The following ESR1 variants were observed in gnomAD, a reference collection of about 807,000 sequenced individuals.
The protein encoded by ESR1 is estrogen receptor.
ESR1 carries 12 observed loss-of-function variants against 52.7 expected under a neutral mutation model. The observed-to-expected ratio is 0.23, with a 90% CI of 0.15 to 0.37. The LOEUF (loss-of-function observed/expected upper bound fraction) is 0.37. Ranked by LOEUF, ESR1 falls within the 10% of genes least tolerant of loss-of-function variation. The probability of loss-of-function intolerance (pLI) is 1.00; values close to 1 mark genes in which losing one functional copy is unlikely to be tolerated. For missense variants in ESR1, 584 were observed against 779.7 expected (o/e 0.75, Z 2.99); for synonymous variants, 305 against 316.8 (o/e 0.96, Z 0.39).
intron 2 of ESR1, among the ~76,000 whole-genome samples, chr6:151,796,967 A>G (rs1776770982): frequency 6.6e-6 from 1 of 152,202 alleles, no homozygotes; most frequent in Admixed American, 6.5e-5. Flanking sequence ...GTGATCCACT[A>G]CAAAGCTCTC....
At chr6:152,089,791 A>G (rs1181067754) in intron 6 of ESR1, among the ~76,000 whole-genome samples, 3 of 152,102 alleles carry the variant, frequency 2.0e-5, no homozygotes, top group African/African-American at 7.2e-5. Flanking sequence ...GTTGGCCAGG[A>G]TGGTCTTGAA....
intron 3 of ESR1, among the ~76,000 whole-genome samples, chr6:151,921,052 T>C (rs2031554727): frequency 6.6e-6 from 1 of 152,136 alleles, no homozygotes; most frequent in African/African-American, 2.4e-5. Flanking sequence ...AAAGCCAACA[T>C]GCATTAGTTG....
chr6:151,678,734 T>C (rs1157190080), intron 1 of ESR1, among the ~76,000 whole-genome samples: 1 of 151,328 alleles, frequency 6.6e-6, no homozygotes, highest in Non-Finnish European at 1.5e-5. Context: ...TTGCCTGGGC[T>C]GGAGTACAGT....
chr6:152,111,024 T>C (rs1361098341), intron 6 of ESR1, among the ~76,000 whole-genome samples: 1 of 152,128 alleles, frequency 6.6e-6, no homozygotes, highest in African/African-American at 2.4e-5. Flanking sequence ...GCTCTATTTC[T>C]AGCCGATGAC....
chr6:151,657,222 A>C (rs1204438891), intron 1 of ESR1, among the ~76,000 whole-genome samples: 1 of 152,198 alleles, frequency 6.6e-6, no homozygotes, highest in African/African-American at 2.4e-5. Flanking sequence ...GTGGGAATTT[A>C]AAGTTTTAAA....
chr6:151,954,114 T>C (rs781305279), intron 4 of ESR1, among the ~76,000 whole-genome samples: 12 of 152,244 alleles, frequency 7.9e-5, no homozygotes, highest in African/African-American at 1.2e-4. Context: ...GTTAATTCAT[T>C]GACGAAATTA....
intron 1 of ESR1, among the ~76,000 whole-genome samples, chr6:151,815,506 A>G (rs770120444): frequency 6.6e-6 from 1 of 152,188 alleles, no homozygotes; most frequent in Non-Finnish European, 1.5e-5. Flanking sequence ...CATCAGGGAC[A>G]TGGTTTGCTT....
At chr6:152,013,060 A>G (rs1198795953) in intron 5 of ESR1, among the ~76,000 whole-genome samples, 1 of 152,206 alleles carries the variant, frequency 6.6e-6, no homozygotes, top group Non-Finnish European at 1.5e-5. Flanking sequence ...ATATATTTTG[A>G]TATCACAGTT....
At chr6:151,789,958 T>C (rs1355515330) in intron 2 of ESR1, among the ~76,000 whole-genome samples, 1 of 152,158 alleles carries the variant, frequency 6.6e-6, no homozygotes, top group Non-Finnish European at 1.5e-5. Flanking sequence ...TGAGTTGTTG[T>C]TGTGTTTGAG....
At chr6:151,982,578 G>A (rs952169928) in intron 4 of ESR1, among the ~76,000 whole-genome samples, 4 of 150,772 alleles carry the variant, frequency 2.7e-5, no homozygotes, top group African/African-American at 4.9e-5. Context: ...TCCGCCTCCC[G>A]GGTTCAAGCC....
At chr6:151,986,685 TC>T (rs1397791237) in intron 4 of ESR1, among the ~76,000 whole-genome samples, 1 of 152,176 alleles carries the variant, frequency 6.6e-6, no homozygotes, top group Non-Finnish European at 1.5e-5. Flanking sequence ...TGCCATATTC[TC>T]TTCTGTGTCT....
Position 151,825,963 on chromosome 6 carries a change from C to CTTAGGAAT in ESR1, c.453-16631_453-16624dup, listed in dbSNP as rs112669471. Among the ~76,000 whole-genome samples, 70 of 146,162 alleles carry CTTAGGAAT rather than the reference C, an allele frequency of 4.8e-4. 1 individual carries two copies. The highest frequency in any genetic ancestry group is 1.6e-3 in the African/African-American group (64 of 39,636). On this transcript the variant is annotated intron_variant, in intron 1 of 7. Transcript: ENST00000206249. ...AATGTGTTTTCCAGGGTTCTGGGTACTTAGGAATTTGGTTGCTTTTGCAGG... is the reference window on the plus strand; with the variant it reads ...AATGTGTTTTCCAGGGTTCTGGGTACTTAGGAATTTAGGAATTTGGTTGCTTTTGCAGG...
At chr6:152,110,284 C>T (rs997328059) in intron 6 of ESR1, among the ~76,000 whole-genome samples, 4 of 152,112 alleles carry the variant, frequency 2.6e-5, no homozygotes, top group African/African-American at 4.8e-5. Flanking sequence ...CATGTAATGC[C>T]TGTCAATGGT....
intron 6 of ESR1, among the ~76,000 whole-genome samples, chr6:152,120,334 G>A (rs550911262): frequency 2.2e-4 from 34 of 152,274 alleles, no homozygotes; most frequent in African/African-American, 7.7e-4. Context: ...TCAGATGAGG[G>A]TGCAGGGCAC....
chr6:151,864,350 T>C (rs1410026943), intron 2 of ESR1, among the ~76,000 whole-genome samples: 16 of 151,856 alleles, frequency 1.1e-4, no homozygotes, highest in East Asian at 5.8e-4. Flanking sequence ...CTCATCATCA[T>C]TGGCCATCAG....
intron 1 of ESR1, among the ~76,000 whole-genome samples, chr6:151,813,859 T>C (rs955059129): frequency 6.6e-6 from 1 of 152,210 alleles, no homozygotes; most frequent in African/African-American, 2.4e-5. Flanking sequence ...TGTTCAGAAC[T>C]AGACATTTCC....
In ESR1 at chr6:152,125,157, G is replaced by T; in HGVS notation, c.851-109G>T. 2 of 1,315,176 alleles carry T rather than the reference G, an allele frequency of 1.5e-6. 1 individual carries two copies. Among genetic ancestry groups the T allele is most frequent in the South Asian group, 3.1e-5 (2 of 64,882 alleles). 81.5% of individuals were successfully genotyped at this position (1,315,176 alleles called of 1,614,324 possible). ...CAGTTAAAGGAAGAGGCCTAGCAGGGACTCAGGCTTCCAAAATCCCTGCCC... is the reference window on the plus strand; with the variant it reads ...CAGTTAAAGGAAGAGGCCTAGCAGGTACTCAGGCTTCCAAAATCCCTGCCC... On this transcript the variant is annotated intron_variant, in intron 6 of 6. Coordinates refer to the ESR1 transcript ENST00000427531.
intron 2 of ESR1, among the ~76,000 whole-genome samples, chr6:151,769,855 A>G (rs1583205589): frequency 1.3e-5 from 2 of 152,106 alleles, no homozygotes; most frequent in African/African-American, 2.4e-5. Context: ...GCATAATGGT[A>G]TATGGAAGAG....
intron 3 of ESR1, among the ~76,000 whole-genome samples, chr6:151,933,925 C>T (rs1312305098): frequency 1.3e-5 from 2 of 152,172 alleles, no homozygotes; most frequent in African/African-American, 4.8e-5. Flanking sequence ...TATTTTGTAA[C>T]TTTTGATCTT....
Sources: gnomAD v4.1 joint callset for allele counts (sites outside exome capture counted in the v4.1 genomes callset) on GRCh38, gnomAD v4.1.1 for gene constraint, MANE v1.5 for transcripts, NCBI Gene and HGNC (gene_info 2026-07-23, HGNC 2026-07-21) for gene names.